Variants in HEATR5A observed in about 807,000 individuals in gnomAD.
HEATR5A encodes HEAT repeat-containing protein 5A.
In HEATR5A, 178 loss-of-function variants were observed where a neutral mutation model predicts 218.8. That is an observed-to-expected ratio of 0.81 (90% CI 0.72 to 0.92). The LOEUF (loss-of-function observed/expected upper bound fraction) is 0.92, where lower values mean the gene tolerates loss of function less well. Among genes scored for constraint, HEATR5A ranks in the 40% least tolerant of loss-of-function variants. The probability of loss-of-function intolerance (pLI) is 0.00; values close to 1 mark genes in which losing one functional copy is unlikely to be tolerated. For synonymous variants in HEATR5A, 864 were observed against 871.6 expected (o/e 0.99, Z 0.15); for missense variants, 2,420 against 2,418.9 (o/e 1.00, Z -0.01).
At chr14:31,361,542 G>A (rs569188340) in intron 14 of HEATR5A, among the ~76,000 whole-genome samples, 2 of 152,240 alleles carry the variant, frequency 1.3e-5, no homozygotes, top group African/African-American at 2.4e-5. Flanking sequence ...GAAAATAGTA[G>A]AAAATCTCTG....
At chr14:31,398,353 T>C (rs1469878206) in intron 4 of HEATR5A, among the ~76,000 whole-genome samples, 1 of 152,176 alleles carries the variant, frequency 6.6e-6, no homozygotes, top group African/African-American at 2.4e-5. Flanking sequence ...GCAGTTGCAC[T>C]GGCACCAGTT....
At chr14:31,353,456 AT>A (rs1901303429) in intron 16 of HEATR5A, among the ~76,000 whole-genome samples, 1 of 151,866 alleles carries the variant, frequency 6.6e-6, no homozygotes, top group Non-Finnish European at 1.5e-5. Context: ...GCATATGAAA[AT>A]TTTTCTGGTG....
Position 31,344,268 on chromosome 14 carries a change from C to CTTTTTTTTTTTTTTTTTTTTTTTT in HEATR5A, c.3059-227_3059-204dup, listed in dbSNP as rs577497140. 1.4e-4 allele frequency among the ~76,000 whole-genome samples: 7 copies of CTTTTTTTTTTTTTTTTTTTTTTTT among 50,812 alleles called. 2 individuals are homozygous for CTTTTTTTTTTTTTTTTTTTTTTTT. The highest frequency in any genetic ancestry group is 1.5e-4 in the Non-Finnish European group (4 of 27,196). 33.3% of individuals were successfully genotyped at this position (50,812 alleles called of 152,430 possible). On this transcript the variant is annotated intron_variant, in intron 20 of 35. Coordinates refer to ENST00000543095, the MANE Select transcript of HEATR5A (RefSeq NM_015473.4). The stretch of plus-strand genomic sequence containing the variant: ...GTTACAGATTGTTAGATTAGTTATT[C>CTTTTTTTTTTTTTTTTTTTTTTTT]TTTTTTTTTTTTTTTTTTTTTTTTT...
intron 18 of HEATR5A, among the ~76,000 whole-genome samples, 162 bp from the exon 19 acceptor site, chr14:31,348,069 G>A (rs999953670): frequency 4.6e-5 from 7 of 152,130 alleles, no homozygotes; most frequent in Non-Finnish European, 8.8e-5. Context: ...TGAAGTAACC[G>A]AAAGGCATCT....
At chr14:31,349,460 T>C (rs1271683813) in intron 18 of HEATR5A, among the ~76,000 whole-genome samples, 1 of 152,190 alleles carries the variant, frequency 6.6e-6, no homozygotes, top group Non-Finnish European at 1.5e-5. Context: ...CTGTAGTTTG[T>C]TCTTATTACT....
Position 31,295,923 on chromosome 14 carries a change from T to C in HEATR5A, c.5605A>G (p.Ile1869Val). 1 of 1,613,578 alleles carries C rather than the reference T, an allele frequency of 6.2e-7. No individual in the cohort carries two copies. Among genetic ancestry groups the C allele is most frequent in the South Asian group, 1.1e-5 (1 of 91,022 alleles). Residue 1869 changes from isoleucine to valine, a missense_variant, in exon 34 of 36, where the codon ATA (isoleucine) becomes GTA (valine). Physicochemically the swap from Ile to Val is conservative, Grantham distance 29. Transcript: ENST00000543095. The stretch of plus-strand genomic sequence containing the variant: ...AAGACACTTACCACAGGATCTTTTA[T>C]CTCAAGAGTAGCTTTAAATTTATCA... ...CIDKFKATLE[I>V]KDPVVQIKTY...
intron 14 of HEATR5A, among the ~76,000 whole-genome samples, chr14:31,363,032 T>A (rs1901677115): frequency 6.6e-6 from 1 of 151,356 alleles, no homozygotes; most frequent in Non-Finnish European, 1.5e-5. Context: ...AGGTAAGGAG[T>A]TTGAGACCAG....
In HEATR5A at chr14:31,398,760, A is replaced by T. The variant is rs1257788546; in HGVS notation, c.360T>A (p.Gly120=). Residue 120 remains glycine (G), a synonymous_variant, in exon 4 of 36, where the codon GGT becomes GGA. Transcript: ENST00000543095. ...TTCTACCCAACTTCTTGTACAAGGAACCCAAACATACCACAGCAGCACTGA... is the reference window on the plus strand; with the variant it reads ...TTCTACCCAACTTCTTGTACAAGGATCCCAAACATACCACAGCAGCACTGA... ...PTKLAAVVCL[G]SLYKKLGRIL... 10 of 1,525,610 alleles carry T rather than the reference A, an allele frequency of 6.6e-6. No homozygotes were observed. Among genetic ancestry groups the T allele is most frequent in the Non-Finnish European group, 8.8e-6 (10 of 1,137,388 alleles). The allele number at this position is 1,525,610 out of a possible 1,614,324, so 94.5% of individuals were successfully genotyped here.
chr14:31,335,868 T>C (rs1451495717), intron 22 of HEATR5A, among the ~76,000 whole-genome samples: 1 of 152,106 alleles, frequency 6.6e-6, no homozygotes, highest in Non-Finnish European at 1.5e-5. Flanking sequence ...TTGGCCAGGC[T>C]GGTCTCGAAC....
chr14:31,326,378 G>A, intron 22 of HEATR5A, 36 bp from the exon 23 acceptor site: 2 of 1,503,704 alleles, frequency 1.3e-6, no homozygotes, highest in Non-Finnish European at 1.8e-6. Context: ...AAGTAATACA[G>A]AAAACAAAAC....
At chr14:31,355,753 T>C (rs1901404179) in intron 16 of HEATR5A, among the ~76,000 whole-genome samples, 1 of 152,200 alleles carries the variant, frequency 6.6e-6, no homozygotes, top group South Asian at 2.1e-4. Flanking sequence ...TTGAGATCAA[T>C]ATTATTTCTT....
At chr14:31,346,627 G>A (rs548943900) in intron 19 of HEATR5A, among the ~76,000 whole-genome samples, 2 of 152,314 alleles carry the variant, frequency 1.3e-5, no homozygotes, top group Non-Finnish European at 1.5e-5. Context: ...CATCTGTGGG[G>A]TCAGTTGATG....
chr14:31,349,733 A>G, intron 18 of HEATR5A, 56 bp downstream of exon 18: 1 of 1,173,116 alleles, frequency 8.5e-7, no homozygotes. Context: ...CAAGCCAGAA[A>G]GCTATACCCA....
chr14:31,368,904 A>T (rs892895353), intron 13 of HEATR5A, among the ~76,000 whole-genome samples: 1 of 152,142 alleles, frequency 6.6e-6, no homozygotes, highest in Non-Finnish European at 1.5e-5. Flanking sequence ...CTAACCAAAG[A>T]GTAAAAGATT....
At chr14:31,389,976 G>C (rs116022100) in intron 6 of HEATR5A, among the ~76,000 whole-genome samples, 122 of 152,276 alleles carry the variant, frequency 8.0e-4, no homozygotes, top group African/African-American at 2.9e-3. Context: ...TATGGGGGTG[G>C]AGTGAAGTGT....
At chr14:31,387,766 T>C (rs1382242758) in intron 7 of HEATR5A, among the ~76,000 whole-genome samples, 2 of 152,192 alleles carry the variant, frequency 1.3e-5, no homozygotes, top group Non-Finnish European at 2.9e-5. Context: ...TTCACCATGT[T>C]ACCCAGGATG....
At chr14:31,370,717 A>G (rs1008609730) in intron 13 of HEATR5A, among the ~76,000 whole-genome samples, 1 of 152,226 alleles carries the variant, frequency 6.6e-6, no homozygotes, top group African/African-American at 2.4e-5. Flanking sequence ...GTTGTTGTAT[A>G]TTCACACAAT....
rs756993563 is a variant in HEATR5A, at chr14:31,294,048, A to G, written c.5676T>C (p.Ala1892=). ...AAGAGTAAATGTATGGGTAGGAAAC[A>G]GCTGGATTTGGATACTGAAAGATGG... is the stretch of plus-strand genomic sequence containing the variant. ...LHSIFQYPNP[A]VSYPYIYSLA... Residue 1892 remains alanine (A), a synonymous_variant, in exon 35 of 36, where the codon GCT becomes GCC. Coordinates refer to ENST00000543095, the MANE Select transcript of HEATR5A (RefSeq NM_015473.4). 1.2e-6 allele frequency: 2 copies of G among 1,603,772 alleles called. No individual in the cohort carries two copies. Among genetic ancestry groups the G allele is most frequent in the East Asian group, 2.2e-5 (1 of 44,680 alleles).
In HEATR5A at chr14:31,383,572, C is replaced by G. The variant is rs574002658; in HGVS notation, c.1545G>C (p.Leu515Phe). 9 of 1,613,946 alleles carry G rather than the reference C, an allele frequency of 5.6e-6. No individual in the cohort carries two copies. In the East Asian group the frequency reaches 1.1e-4, roughly 20 times the overall value. The change falls in exon 10 of 36, where the codon TTG becomes TTC. Residue 515 changes from leucine to phenylalanine, a missense_variant. By Grantham distance (22) the Leu-to-Phe change is conservative. Transcript: ENST00000543095. ...AAGGACAATGTTTTACTGCTCCCAA[C>G]AAAGCTGCTACAGCAAAACTGAAGC... ...VTGFSFAVAA[L>F]LGAVKHCPLG...
Sources: allele counts gnomAD v4.1 joint callset (sites outside exome capture counted in the v4.1 genomes callset), GRCh38; gene constraint gnomAD v4.1.1; transcripts MANE v1.5; gene names NCBI Gene and HGNC (gene_info 2026-07-23, HGNC 2026-07-21).